The following CEP128 variants were observed in gnomAD, a reference collection of about 807,000 sequenced individuals.
CEP128 encodes the protein centrosomal protein 128kDa.
A neutral mutation model predicts 156.7 loss-of-function variants in CEP128; 132 were observed. The observed-to-expected ratio is 0.84, with a 90% CI of 0.73 to 0.97. CEP128 has a LOEUF of 0.97. CEP128 is among the 50% of genes least tolerant of loss of function. The probability of loss-of-function intolerance (pLI) is 0.00; values close to 1 mark genes in which losing one functional copy is unlikely to be tolerated. For missense variants in CEP128, 1,252 were observed against 1,281.9 expected (o/e 0.98, Z 0.36); for synonymous variants, 469 against 448.9 (o/e 1.04, Z -0.57).
At position 80,555,394 on chromosome 14, in the gene CEP128, G is replaced by A. The variant is rs1890388309; in HGVS notation, c.2880+3885C>T. On this transcript the variant is annotated intron_variant, in intron 21 of 24. Coordinates refer to ENST00000555265, the MANE Select transcript of CEP128 (RefSeq NM_152446.5). ...TGTTCACAGACAATAAATTTTGTCT[G>A]GTAGGGTTCCACTGATCTTCCTTCC... Among the ~76,000 whole-genome samples the A allele has an allele frequency of 2.0e-5, 3 of 152,016 alleles. No individual in the cohort carries two copies. In the South Asian group the frequency reaches 6.2e-4, roughly 32 times the overall value.
At chr14:80,702,295 GT>G (rs1897100989) in intron 19 of CEP128, among the ~76,000 whole-genome samples, 1 of 152,078 alleles carries the variant, frequency 6.6e-6, no homozygotes, top group African/African-American at 2.4e-5. Flanking sequence ...AAGGTTCAAG[GT>G]TTAGGAGGAA....
chr14:80,932,018 C>A (rs1318492831), intron 2 of CEP128, among the ~76,000 whole-genome samples: 1 of 152,158 alleles, frequency 6.6e-6, no homozygotes, highest in Admixed American at 6.5e-5. Context: ...CTCATAGGGG[C>A]AGTTACCCCC....
In CEP128 at chr14:80,777,589, T is replaced by G. The variant is rs1297606597; in HGVS notation, c.2376+293A>C. Among the ~76,000 whole-genome samples, 3 of 152,246 alleles carry G rather than the reference T, an allele frequency of 2.0e-5. No individual in the cohort carries two copies. The South Asian group carries it at 6.2e-4, about 31-fold the overall frequency. On this transcript the variant is annotated intron_variant, in intron 16 of 24. Coordinates refer to ENST00000555265, the MANE Select transcript of CEP128 (RefSeq NM_152446.5). ...TCAGTTGGCATAAATATCTGACTTA[T>G]AGTAGATCCTCAATAAACCATCATT... is the stretch of plus-strand genomic sequence containing the variant.
chr14:80,657,468 T>A (rs1273508908), intron 19 of CEP128, among the ~76,000 whole-genome samples: 1 of 151,682 alleles, frequency 6.6e-6, no homozygotes, highest in Non-Finnish European at 1.5e-5. Flanking sequence ...CTGGTCAACA[T>A]GGCGAAACTC....
intron 19 of CEP128, among the ~76,000 whole-genome samples, chr14:80,635,064 G>A (rs1373775759): frequency 2.0e-5 from 3 of 152,032 alleles, no homozygotes; most frequent in Admixed American, 6.6e-5. Context: ...TCCTCTTTTC[G>A]TAGAAGCCAG....
At chr14:80,810,868 C>A (rs983243997) in intron 13 of CEP128, among the ~76,000 whole-genome samples, 11 of 152,208 alleles carry the variant, frequency 7.2e-5, no homozygotes, top group African/African-American at 2.6e-4. Flanking sequence ...TGGTGGTTTG[C>A]TGCACCTATC....
chr14:80,925,673 G>A (rs1227162225), intron 2 of CEP128, among the ~76,000 whole-genome samples: 1 of 152,042 alleles, frequency 6.6e-6, no homozygotes, highest in Non-Finnish European at 1.5e-5. Flanking sequence ...AAAATAGTGT[G>A]TAGAAAGTCA....
At chr14:80,623,195 A>G (rs1439992301) in intron 19 of CEP128, among the ~76,000 whole-genome samples, 1 of 151,904 alleles carries the variant, frequency 6.6e-6, no homozygotes, top group Non-Finnish European at 1.5e-5. Flanking sequence ...CATTCTCAGT[A>G]AACTGTCGCA....
chr14:80,551,725 G>A (rs1279040429), intron 21 of CEP128, among the ~76,000 whole-genome samples: 3 of 152,162 alleles, frequency 2.0e-5, no homozygotes, highest in African/African-American at 4.8e-5. Context: ...TTATAGTAGA[G>A]TAGTGGAAGA....
chr14:80,957,422 C>A (rs1393730360), intron 2 of CEP128, among the ~76,000 whole-genome samples: 10 of 151,896 alleles, frequency 6.6e-5, no homozygotes, highest in African/African-American at 2.4e-4. Context: ...CCATTCAACC[C>A]CGAATTCCTG....
intron 2 of CEP128, among the ~76,000 whole-genome samples, chr14:80,926,201 G>T (rs935407320): frequency 1.3e-5 from 2 of 152,150 alleles, no homozygotes; most frequent in African/African-American, 4.8e-5. Flanking sequence ...TCTACTTCAT[G>T]GGCTGACCAG....
intron 18 of CEP128, among the ~76,000 whole-genome samples, chr14:80,752,239 T>C (rs1899433592): frequency 6.6e-6 from 1 of 152,186 alleles, no homozygotes; most frequent in South Asian, 2.1e-4. Context: ...TGAAAGAAAA[T>C]GTTTGTATAA....
chr14:80,854,421 A>G (rs1053873943), intron 9 of CEP128, among the ~76,000 whole-genome samples: 1 of 152,188 alleles, frequency 6.6e-6, no homozygotes, highest in African/African-American at 2.4e-5. Context: ...AAAAACGAAT[A>G]CATGACCAAA....
intron 20 of CEP128, among the ~76,000 whole-genome samples, chr14:80,575,747 GTAT>G (rs976518215): frequency 1.3e-5 from 2 of 152,080 alleles, no homozygotes; most frequent in African/African-American, 4.8e-5. Context: ...TATGAAATCA[GTAT>G]TATTATTATC....
chr14:80,593,931 C>G lies in CEP128; in HGVS notation c.2807-13508G>C, dbSNP rs143476248. 6.8e-3 allele frequency among the ~76,000 whole-genome samples: 1,036 copies of G among 152,316 alleles called. 10 individuals are homozygous for G. The highest frequency in any genetic ancestry group is 0.023 in the African/African-American group (970 of 41,566). On this transcript the variant is annotated intron_variant, in intron 19 of 24. Coordinates refer to ENST00000555265, the MANE Select transcript of CEP128 (RefSeq NM_152446.5). ...TTTATAGATTCAGTGCTATCCCCAT[C>G]ATGCTACCATTGACTTTCTTCACAG...
intron 2 of CEP128, among the ~76,000 whole-genome samples, chr14:80,930,197 A>C (rs1438179843): frequency 6.6e-6 from 1 of 152,184 alleles, no homozygotes; most frequent in Non-Finnish European, 1.5e-5. Flanking sequence ...ATTAGCAGAG[A>C]GGTTTGACTG....
At chr14:80,828,811 T>C (rs775624581) in intron 13 of CEP128, among the ~76,000 whole-genome samples, 2 of 152,220 alleles carry the variant, frequency 1.3e-5, no homozygotes, top group Non-Finnish European at 2.9e-5. Flanking sequence ...ACTATATATA[T>C]GTTCTTGGGC....
At chr14:80,938,688 C>T (rs1594871115) in intron 2 of CEP128, among the ~76,000 whole-genome samples, 1 of 152,004 alleles carries the variant, frequency 6.6e-6, no homozygotes, top group South Asian at 2.1e-4. Context: ...AAACATTACA[C>T]CCTTAATTAT....
intron 21 of CEP128, among the ~76,000 whole-genome samples, chr14:80,537,990 G>A (rs1889563962): frequency 6.6e-6 from 1 of 152,090 alleles, no homozygotes; most frequent in Admixed American, 6.5e-5. Flanking sequence ...GCAAAATGGG[G>A]ATCAATATTA....
Sources: gnomAD v4.1 joint callset for allele counts (sites outside exome capture counted in the v4.1 genomes callset) on GRCh38, gnomAD v4.1.1 for gene constraint, MANE v1.5 for transcripts, NCBI Gene and HGNC (gene_info 2026-07-23, HGNC 2026-07-21) for gene names.